The following CCDC78 variants were observed in gnomAD, a reference collection of about 807,000 sequenced individuals.
The protein encoded by CCDC78 is coiled-coil domain-containing protein 78.
CCDC78 carries 78 observed loss-of-function variants against 61.9 expected under a neutral mutation model. The ratio of observed to expected loss-of-function variants is 1.26; its 90% confidence interval spans 1.05 to 1.52. The LOEUF (loss-of-function observed/expected upper bound fraction) is 1.52. CCDC78 is among the 40% of genes most tolerant of loss of function. The pLI is 0.00. For synonymous variants in CCDC78, 287 were observed against 251.9 expected (o/e 1.14, Z -1.32); for missense variants, 737 against 615.5 (o/e 1.20, Z -2.09).
chr16:723,859 T>C lies in CCDC78; in HGVS notation c.1131A>G (p.Pro377=). 6.3e-7 allele frequency: 1 copy of C among 1,586,366 alleles called. No homozygotes were observed. Among genetic ancestry groups the C allele is most frequent in the Non-Finnish European group, 8.6e-7 (1 of 1,166,564 alleles). The part of the protein sequence containing the change: ...GGASQGGTSE[P]QGLDAASWAQ... ...CCCACACCCATGAGGGCACTCACTG[T>C]GGCTCTGATGTTCCCCCCTGGGAGG... is the stretch of plus-strand genomic sequence containing the variant. The change falls in exon 11 of 14, where the codon CCA becomes CCG. Residue 377 remains proline, a splice_region_variant and synonymous_variant. Transcript: ENST00000345165.
rs763959604 is a variant in CCDC78 at position 724,957 on chromosome 16, C to G, written c.593G>C (p.Arg198Pro). ...CTGCCCGGCTGCCCTGGCCTCCTCTCGGGCTCCCTGCAGCTGCCGGCCCAG... is the reference window on the plus strand; with the variant it reads ...CTGCCCGGCTGCCCTGGCCTCCTCTGGGGCTCCCTGCAGCTGCCGGCCCAG... ...ATLGRQLQGA[R>P]EEARAAGQRL... Residue 198 changes from arginine to proline, a missense_variant, in exon 7 of 14, where the codon CGA (arginine) becomes CCA (proline). Arg to Pro is a moderately radical substitution (Grantham distance 103). Coordinates refer to ENST00000345165, the MANE Select transcript of CCDC78 (RefSeq NM_001378030.1). 6.2e-7 allele frequency: 1 copy of G among 1,611,178 alleles called. No individual in the cohort carries two copies. The highest frequency in any genetic ancestry group is 8.5e-7 in the Non-Finnish European group (1 of 1,179,294).
intron 9 of CCDC78, 23 bp from the exon 10 acceptor site, chr16:724,228 G>T (rs775008983): frequency 6.3e-7 from 1 of 1,585,820 alleles, no homozygotes; most frequent in Admixed American, 1.7e-5. Flanking sequence ...GCTAGTGTCT[G>T]TCTGGGGCCA....
chr16:725,335 G>T, intron 4 of CCDC78, 42 bp from the exon 5 acceptor site: 1 of 1,610,800 alleles, frequency 6.2e-7, no homozygotes. Context: ...GGGTGGGTGA[G>T]CCCCAGTTTC....
At position 725,304 on chromosome 16, in the gene CCDC78, G is replaced by A. The variant is rs903501689; in HGVS notation, c.436-11C>T. ...GTTCTTGGGCTGCACCTGAATGGAA[G>A]GGAGGGCAGGGAAAGCTAAGGGGTG... On this transcript the variant is annotated splice_polypyrimidine_tract_variant and intron_variant, in intron 4 of 13. Coordinates refer to ENST00000345165, the MANE Select transcript of CCDC78 (RefSeq NM_001378030.1). 1.9e-6 allele frequency: 3 copies of A among 1,608,600 alleles called. No individual in the cohort carries two copies. Among genetic ancestry groups the A allele is most frequent in the African/African-American group, 1.3e-5 (1 of 74,930 alleles).
Position 723,939 on chromosome 16 carries a change from A to T in CCDC78, c.1054-3T>A. 6.2e-7 allele frequency: 1 copy of T among 1,603,202 alleles called. No individual in the cohort carries two copies. Among genetic ancestry groups the T allele is most frequent in the Non-Finnish European group, 8.5e-7 (1 of 1,174,728 alleles). On this transcript the variant is annotated splice_region_variant and splice_polypyrimidine_tract_variant and intron_variant, in intron 10 of 13. Transcript: ENST00000345165. Reference sequence around the variant, plus strand: ...AGCAGTGCCCCAGGCCCGCCGTGCTACAGAGGTTTGTGGTGGGGACGTTTC... The same window carrying T: ...AGCAGTGCCCCAGGCCCGCCGTGCTTCAGAGGTTTGTGGTGGGGACGTTTC...
Position 724,145 on chromosome 16 carries a change from G to C in CCDC78, c.1014C>G (p.Pro338=). 1 of 1,605,060 alleles carries C rather than the reference G, an allele frequency of 6.2e-7. No homozygotes were observed. The change falls in exon 10 of 14, where the codon CCC becomes CCG. Residue 338 remains proline, a synonymous_variant. Coordinates refer to ENST00000345165, the MANE Select transcript of CCDC78 (RefSeq NM_001378030.1). ...DIASLDLEPL[P]VPLVTDFSHR... is the part of the protein sequence containing the mutation. The stretch of plus-strand genomic sequence containing the variant: ...GGCTGAAGTCAGTGACCAGGGGCAC[G>C]GGCAATGGTTCCAGGTCCAAGCTGG...
upstream of CCDC78, chr16:726,814 A>T (rs1426111744): frequency 5.6e-6 from 1 of 180,108 alleles, no homozygotes; most frequent in African/African-American, 2.4e-5. Flanking sequence ...AGGGGCGCAG[A>T]CGTCCCCATC....
Position 725,862 on chromosome 16 carries a change from C to T in CCDC78, c.199G>A (p.Asp67Asn), listed in dbSNP as rs374105211. 6.2e-6 allele frequency: 10 copies of T among 1,610,860 alleles called. No homozygotes were observed. Among genetic ancestry groups the T allele is most frequent in the Non-Finnish European group, 8.5e-6 (10 of 1,178,652 alleles). Residue 67 changes from aspartate to asparagine, a missense_variant, in exon 3 of 14, where the codon GAC (aspartate) becomes AAC (asparagine). Transcript: ENST00000345165. ...AGGTGGTGGGTTGTGATCTGAATGT[C>T]GACCAGCTCCTTGGAGATCTGTGGG... ...QQLQISKELVDIQITTHHLHE... is the reference protein window; with the variant it reads ...QQLQISKELVNIQITTHHLHE...
At chr16:725,338 C>A (rs2040773765) in intron 4 of CCDC78, 45 bp from the exon 5 acceptor site, 2 of 1,611,086 alleles carry the variant, frequency 1.2e-6, no homozygotes. Flanking sequence ...TGGGTGAGCC[C>A]CAGTTTCACT....
In CCDC78 at chr16:722,585, G is replaced by A. The variant is rs1427586592; in HGVS notation, c.*93C>T. On this transcript the variant is annotated 3_prime_UTR_variant, in exon 14 of 14. Coordinates refer to ENST00000345165, the MANE Select transcript of CCDC78 (RefSeq NM_001378030.1). Reference sequence around the variant, plus strand: ...ATTAGACACGATAAAGACTCTGTGGGTTCTATCCTGACTCATGTTTTATGG... The same window carrying A: ...ATTAGACACGATAAAGACTCTGTGGATTCTATCCTGACTCATGTTTTATGG... 1 of 890,076 alleles carries A rather than the reference G, an allele frequency of 1.1e-6. No homozygotes were observed. Among genetic ancestry groups the A allele is most frequent in the Non-Finnish European group, 1.6e-6 (1 of 620,870 alleles). The allele number at this position is 890,076 out of a possible 1,614,324, so 55.1% of individuals were successfully genotyped here.
At chr16:723,223 C>T (rs566412142) in intron 11 of CCDC78, 62 bp from the exon 12 acceptor site, 112 of 1,557,020 alleles carry the variant, frequency 7.2e-5, no homozygotes, top group Admixed American at 1.2e-4. Flanking sequence ...CAGGGACAGA[C>T]GTGACCGTGC....
At chr16:726,447 ACTG>A, upstream of CCDC78, 1 of 1,482,588 alleles carries the variant, frequency 6.7e-7, no homozygotes, top group Non-Finnish European at 8.9e-7. Context: ...TGCCACTGGC[ACTG>A]CTAAGTGCGT....
chr16:724,048 G>T, intron 10 of CCDC78, 58 bp downstream of exon 10: 1 of 895,190 alleles, frequency 1.1e-6, no homozygotes. Flanking sequence ...GCCAGTGTGG[G>T]GCAGTGGGTG....
rs146067716 is a variant in CCDC78, at chr16:722,978, C to G, written c.1245G>C (p.Thr415=). ...RERAQLLVRA[T]MAEEQLSELQ... ...GCTCAGAAAGTTGCTCTTCAGCCAT[C>G]GTGGCCCGGACCAGCAGCTGTGCCC... Residue 415 remains threonine (T), a synonymous_variant, in exon 13 of 14, where the codon ACG becomes ACC. Transcript: ENST00000345165. The G allele has an allele frequency of 6.2e-7, 1 of 1,612,446 alleles. No homozygotes were observed. The highest frequency in any genetic ancestry group is 8.5e-7 in the Non-Finnish European group (1 of 1,180,006).
intron 4 of CCDC78, 32 bp downstream of exon 4, chr16:725,381 C>G: frequency 1.2e-6 from 2 of 1,611,854 alleles, no homozygotes; most frequent in Non-Finnish European, 1.7e-6. Flanking sequence ...TCTGGCCTTT[C>G]CCAGCCAGGC....
Position 725,136 on chromosome 16 carries a change from C to T in CCDC78, c.502G>A (p.Glu168Lys), listed in dbSNP as rs777794522. ...TGATGCTCCAGCGCCCACTTCACTT[C>T]CCCCTGCAGCTGTGGGGCACACAGG... ...QHRLGSGLQG[E>K]VKWALEHQEA... The change falls in exon 6 of 14, where the codon GAA becomes AAA. Residue 168 changes from glutamate (E) to lysine (K), a missense_variant. Coordinates refer to ENST00000345165, the MANE Select transcript of CCDC78 (RefSeq NM_001378030.1). 62 of 1,612,686 alleles carry T rather than the reference C, an allele frequency of 3.8e-5. No individual in the cohort carries two copies. The highest frequency in any genetic ancestry group is 4.7e-5 in the Non-Finnish European group (55 of 1,180,004).
chr16:726,130 G>C (rs2040906822), intron 1 of CCDC78, 45 bp from the exon 2 acceptor site: 2 of 1,549,774 alleles, frequency 1.3e-6, no homozygotes, highest in Non-Finnish European at 1.7e-6. Context: ...TCCCAGGCTG[G>C]GCTGTGGCCC....
In CCDC78 at chr16:726,331, G is replaced by A; in HGVS notation, c.37C>T (p.Pro13Ser). Reference protein sequence around the residue: ...HAATTGPRPGPPSRRVENVVL... With the variant: ...HAATTGPRPGSPSRRVENVVL... ...ACATTCTCCACCCGCCGAGAGGGAGGTCCAGGCCTGGGGCCTGTGGTGGCT... is the reference window on the plus strand; with the variant it reads ...ACATTCTCCACCCGCCGAGAGGGAGATCCAGGCCTGGGGCCTGTGGTGGCT... The change falls in exon 1 of 14, where the codon CCT (proline) becomes TCT (serine). Residue 13 changes from proline to serine, a missense_variant. Pro to Ser is a moderately conservative substitution (Grantham distance 74, BLOSUM62 -1). Coordinates refer to ENST00000345165, the MANE Select transcript of CCDC78 (RefSeq NM_001378030.1). 6.5e-7 allele frequency: 1 copy of A among 1,547,586 alleles called. No homozygotes were observed. The highest frequency in any genetic ancestry group is 8.7e-7 in the Non-Finnish European group (1 of 1,146,574).
rs780197880 is a variant in CCDC78 at position 724,186 on chromosome 16, C to G, written c.973G>C (p.Ala325Pro). 42 of 1,600,468 alleles carry G rather than the reference C, an allele frequency of 2.6e-5. No homozygotes were observed. The Admixed American group carries it at 7.2e-4, about 27-fold the overall frequency. Residue 325 changes from alanine (A) to proline (P), a missense_variant, in exon 10 of 14, where the codon GCT (alanine) becomes CCT (proline). Ala to Pro is a conservative substitution (Grantham distance 27). Coordinates refer to ENST00000345165, the MANE Select transcript of CCDC78 (RefSeq NM_001378030.1). ...VAYRAPGNPQ[A>P]IFDIASLDLE... is the part of the protein sequence containing the mutation. ...TCCAAGCTGGCTATGTCAAAAATAG[C>G]TTGGGGGTTCCCAGGTGCCCTGTCA...
Sources: gnomAD v4.1 joint callset for allele counts on GRCh38, gnomAD v4.1.1 for gene constraint, MANE v1.5 for transcripts, NCBI Gene and HGNC (gene_info 2026-07-23, HGNC 2026-07-21) for gene names.